CNTN5: variants seen among roughly 807,000 people sequenced by gnomAD.
CNTN5 encodes the protein contactin 5, also known as contactin-5.
Under a neutral mutation model 129.1 loss-of-function variants are expected in CNTN5, and 77 were observed. The observed-to-expected ratio is 0.60, with a 90% confidence interval of 0.50 to 0.72. The LOEUF (loss-of-function observed/expected upper bound fraction) is 0.72. Among genes scored for constraint, CNTN5 ranks in the 30% least tolerant of loss-of-function variants. The pLI is 0.00. For missense variants in CNTN5, 1,478 were observed against 1,328.8 expected (o/e 1.11, Z -1.75); for synonymous variants, 509 against 465.6 (o/e 1.09, Z -1.20).
intron 3 of CNTN5, among the ~76,000 whole-genome samples, chr11:99,743,425 C>T (rs922114504): frequency 2.6e-5 from 4 of 152,178 alleles, no homozygotes; most frequent in Middle Eastern, 3.4e-3. Flanking sequence ...ATAGTAGAAC[C>T]AACTTACTTA....
In CNTN5 at chr11:100,003,074, G is replaced by A. The variant is rs189156388; in HGVS notation, c.980+938G>A. On this transcript the variant is annotated intron_variant, in intron 9 of 24. Transcript: ENST00000524871. The stretch of plus-strand genomic sequence containing the variant: ...TATTAGTAAATATGACAAAAAATCA[G>A]CTAGCTAAGGTAGATTTAAGGAACG... 9.4e-3 allele frequency among the ~76,000 whole-genome samples: 1,436 copies of A among 152,146 alleles called. 11 individuals carry two copies. The highest frequency in any genetic ancestry group is 0.015 in the Non-Finnish European group (993 of 67,968).
rs371709629 is a variant in CNTN5 at position 99,255,436 on chromosome 11, C to A, written c.-209-69910C>A. Reference sequence around the variant, plus strand: ...ACAAAGTGAAGAAAGCTTTTACCAACGTAAATTCTGTTTAAAGATTTTAGA... The same window carrying A: ...ACAAAGTGAAGAAAGCTTTTACCAAAGTAAATTCTGTTTAAAGATTTTAGA... On this transcript the variant is annotated intron_variant, in intron 1 of 24. Transcript: ENST00000524871. 3.3e-5 allele frequency among the ~76,000 whole-genome samples: 5 copies of A among 151,318 alleles called. No individual in the cohort carries two copies. The South Asian group carries it at 1.0e-3, about 31-fold the overall frequency.
At chr11:100,349,052 A>G (rs981106189) in intron 23 of CNTN5, among the ~76,000 whole-genome samples, 1 of 151,950 alleles carries the variant, frequency 6.6e-6, no homozygotes, top group South Asian at 2.1e-4. Context: ...ATCCTTCACA[A>G]TAAGGATTTC....
chr11:100,050,413 G>A (rs953896964), intron 9 of CNTN5, among the ~76,000 whole-genome samples: 5 of 151,870 alleles, frequency 3.3e-5, no homozygotes, highest in African/African-American at 1.2e-4. Context: ...CTCATAGGTG[G>A]GAATTGAACA....
chr11:99,803,784 T>G (rs963859349), intron 3 of CNTN5, among the ~76,000 whole-genome samples: 2 of 152,192 alleles, frequency 1.3e-5, no homozygotes, highest in Non-Finnish European at 2.9e-5. Flanking sequence ...GGGGTTTCAC[T>G]TACTTTTATG....
intron 6 of CNTN5, among the ~76,000 whole-genome samples, chr11:99,897,520 A>T (rs929243963): frequency 4.6e-5 from 7 of 152,156 alleles, no homozygotes; most frequent in African/African-American, 1.7e-4. Flanking sequence ...AAAAAATGTC[A>T]GCTAAGAATT....
intron 2 of CNTN5, among the ~76,000 whole-genome samples, chr11:99,419,078 A>C (rs1322319555): frequency 6.6e-6 from 1 of 152,202 alleles, no homozygotes; most frequent in African/African-American, 2.4e-5. Flanking sequence ...CCACTAAGCA[A>C]GTGCCAAAGT....
intron 3 of CNTN5, among the ~76,000 whole-genome samples, chr11:99,708,002 T>C (rs967255251): frequency 4.0e-5 from 6 of 151,598 alleles, no homozygotes; most frequent in Non-Finnish European, 8.9e-5. Flanking sequence ...TCTGCAGATA[T>C]TATTAATATA....
chr11:99,993,976 CT>C (rs907920293), intron 8 of CNTN5, among the ~76,000 whole-genome samples: 2 of 152,048 alleles, frequency 1.3e-5, no homozygotes, highest in African/African-American at 4.8e-5. Context: ...TTATTCAACT[CT>C]TTTTGTTTTA....
intron 2 of CNTN5, among the ~76,000 whole-genome samples, chr11:99,392,131 T>C (rs1941292698): frequency 6.6e-6 from 1 of 151,750 alleles, no homozygotes; most frequent in Non-Finnish European, 1.5e-5. Context: ...AAAAAGATAT[T>C]TGCGTGACTA....
At chr11:99,042,653 G>A (rs1864047016) in intron 1 of CNTN5, among the ~76,000 whole-genome samples, 1 of 151,950 alleles carries the variant, frequency 6.6e-6, no homozygotes, top group Non-Finnish European at 1.5e-5. Context: ...GGGATTACAG[G>A]CGTGAGCCAC....
intron 2 of CNTN5, among the ~76,000 whole-genome samples, chr11:99,467,913 G>T (rs1039333127): frequency 6.6e-6 from 1 of 151,976 alleles, no homozygotes; most frequent in African/African-American, 2.4e-5. Flanking sequence ...GTGGTATTGA[G>T]ATTGGGAAAC....
intron 3 of CNTN5, among the ~76,000 whole-genome samples, chr11:99,728,704 A>G (rs1943433206): frequency 6.6e-6 from 1 of 152,214 alleles, no homozygotes; most frequent in South Asian, 2.1e-4. Context: ...AAAGACGGTG[A>G]GTAGTGACCA....
intron 7 of CNTN5, among the ~76,000 whole-genome samples, chr11:99,921,791 G>C (rs1294264416): frequency 6.6e-6 from 1 of 152,062 alleles, no homozygotes. Flanking sequence ...TATATGAAAT[G>C]AGCCCAGGTT....
chr11:99,701,508 T>C (rs1052613646), intron 3 of CNTN5, among the ~76,000 whole-genome samples: 29 of 151,220 alleles, frequency 1.9e-4, no homozygotes, highest in African/African-American at 5.8e-4. Flanking sequence ...ATATTAGATA[T>C]ATTTAATGGA....
At chr11:99,916,365 A>G (rs1949790918) in intron 7 of CNTN5, among the ~76,000 whole-genome samples, 1 of 152,082 alleles carries the variant, frequency 6.6e-6, no homozygotes, top group South Asian at 2.1e-4. Context: ...TTGCCATTCT[A>G]ACTGTTAACT....
At chr11:99,035,324 TTGTTGACTTTC>T (rs1227917397) in intron 1 of CNTN5, among the ~76,000 whole-genome samples, 1 of 151,616 alleles carries the variant, frequency 6.6e-6, no homozygotes, top group Non-Finnish European at 1.5e-5. Context: ...CTGGGTATCC[TTGTTGACTTTC>T]TGTCTCGTTG....
chr11:100,186,830 A>G (rs1023708943), intron 13 of CNTN5, among the ~76,000 whole-genome samples: 1 of 152,150 alleles, frequency 6.6e-6, no homozygotes, highest in Non-Finnish European at 1.5e-5. Flanking sequence ...GCTGTATTGT[A>G]AGGAAGTATT....
In CNTN5 at chr11:100,297,614, T is replaced by C; in HGVS notation, c.2315-11T>C. 1.2e-6 allele frequency: 2 copies of C among 1,602,792 alleles called. No homozygotes were observed. Among genetic ancestry groups the C allele is most frequent in the Non-Finnish European group, 1.7e-6 (2 of 1,173,012 alleles). ...TTTTTCTCCTCACTCTCCACCCATT[T>C]TTATCCACAGTTCCGAAGACAGCAC... On this transcript the variant is annotated splice_polypyrimidine_tract_variant and intron_variant, in intron 18 of 24. Transcript: ENST00000524871.
Sources: allele counts gnomAD v4.1 joint callset (sites outside exome capture counted in the v4.1 genomes callset), GRCh38; gene constraint gnomAD v4.1.1; transcripts MANE v1.5; gene names NCBI Gene and HGNC (gene_info 2026-07-23, HGNC 2026-07-21).